The following SYNE1 variants were observed in gnomAD, a reference collection of about 807,000 sequenced individuals.
SYNE1 encodes spectrin repeat containing nuclear envelope protein 1.
Under a neutral mutation model 1,111.0 loss-of-function variants are expected in SYNE1, and 616 were observed. The ratio of observed to expected loss-of-function variants is 0.55; its 90% CI spans 0.52 to 0.59. The LOEUF (loss-of-function observed/expected upper bound fraction) is 0.59. SYNE1 is among the 20% of genes least tolerant of loss of function. The pLI is 0.00. For missense variants in SYNE1, 10,006 were observed against 10,417.0 expected (o/e 0.96, Z 1.72); for synonymous variants, 3,855 against 3,825.8 (o/e 1.01, Z -0.28).
intron 3 of SYNE1, among the ~76,000 whole-genome samples, chr6:152,591,261 A>G (rs73005834): frequency 3.3e-5 from 5 of 152,306 alleles, no homozygotes; most frequent in Non-Finnish European, 5.9e-5. Context: ...TTTAAACTAT[A>G]CTATACAGCC....
rs1317659615 is a variant in SYNE1, at chr6:152,368,797, CAAT to C, written c.9807+172_9807+174del. Reference sequence around the variant, plus strand: ...GAGCCACATCAAGCTTATGCAACAACAATGATGAACTCAGATTGCAAGGCTAAG... The same window carrying C: ...GAGCCACATCAAGCTTATGCAACAACGATGAACTCAGATTGCAAGGCTAAG... On this transcript the variant is annotated intron_variant, in intron 61 of 145. Coordinates refer to ENST00000367255, the MANE Select transcript of SYNE1 (RefSeq NM_182961.4). 3.8e-6 allele frequency: 3 copies of C among 781,880 alleles called. No homozygotes were observed. In the African/African-American group the frequency reaches 5.1e-5, roughly 13 times the overall value. The allele number at this position is 781,880 out of a possible 1,614,324, so 48.4% of individuals were successfully genotyped here.
At chr6:152,462,178 A>G (rs1376717010) in intron 20 of SYNE1, among the ~76,000 whole-genome samples, 1 of 151,780 alleles carries the variant, frequency 6.6e-6, no homozygotes, top group Non-Finnish European at 1.5e-5. Context: ...AATTACTTAT[A>G]GTCTTCTCCC....
intron 131 of SYNE1, among the ~76,000 whole-genome samples, chr6:152,158,644 T>C (rs2061826751): frequency 6.6e-6 from 1 of 152,212 alleles, no homozygotes; most frequent in Non-Finnish European, 1.5e-5. Flanking sequence ...AAATATAAAA[T>C]GAAGTAATAT....
At chr6:152,460,267 A>G (rs1268487606) in intron 21 of SYNE1, among the ~76,000 whole-genome samples, 3 of 152,320 alleles carry the variant, frequency 2.0e-5, no homozygotes, top group East Asian at 1.9e-4. Flanking sequence ...AGCTTTTACT[A>G]GTAGCCAATA....
intron 11 of SYNE1, among the ~76,000 whole-genome samples, chr6:152,493,964 T>C (rs1462375811): frequency 6.6e-6 from 1 of 152,150 alleles, no homozygotes. Flanking sequence ...GCTCACACAC[T>C]AGCTCTCCCT....
intron 91 of SYNE1, among the ~76,000 whole-genome samples, chr6:152,306,802 C>T (rs74538236): frequency 0.098 from 14,755 of 150,650 alleles, 1,028 homozygotes; most frequent in Admixed American, 0.24. Context: ...GGGAGGACTG[C>T]CTGAACCCAG....
intron 4 of SYNE1, among the ~76,000 whole-genome samples, chr6:152,530,845 G>A (rs923108460): frequency 3.3e-5 from 5 of 151,722 alleles, no homozygotes; most frequent in African/African-American, 4.8e-5. Context: ...GGATGGTCTC[G>A]ATCTCCTGAC....
chr6:152,181,326 C>G (rs150039904), intron 128 of SYNE1, among the ~76,000 whole-genome samples: 1 of 152,132 alleles, frequency 6.6e-6, no homozygotes, highest in Non-Finnish European at 1.5e-5. Context: ...GCAGGAGAGT[C>G]GCTTGGGCCC....
chr6:152,442,347 C>T, intron 30 of SYNE1, 102 bp from the exon 31 acceptor site: 1 of 1,388,250 alleles, frequency 7.2e-7, no homozygotes, highest in Non-Finnish European at 1.0e-6. Flanking sequence ...AAGGTGGGCC[C>T]GAAATGTATT....
intron 3 of SYNE1, among the ~76,000 whole-genome samples, chr6:152,571,118 CAGTT>C (rs1344498468): frequency 2.0e-5 from 3 of 152,200 alleles, no homozygotes; most frequent in Admixed American, 2.0e-4. Flanking sequence ...CTTTCTATCT[CAGTT>C]ACTTAGTTTC....
chr6:152,353,767 G>T (rs764390186), intron 67 of SYNE1, 23 bp from the exon 68 acceptor site: 4 of 1,612,882 alleles, frequency 2.5e-6, no homozygotes, highest in Non-Finnish European at 3.4e-6. Context: ...AGTATCGAAG[G>T]GAAAGATTCA....
intron 14 of SYNE1, among the ~76,000 whole-genome samples, chr6:152,482,428 A>AC (rs2098911172): frequency 6.6e-6 from 1 of 152,172 alleles, no homozygotes; most frequent in Non-Finnish European, 1.5e-5. Context: ...ATGCAGGAAT[A>AC]CCCCACCACA....
intron 127 of SYNE1, 86 bp downstream of exon 127, chr6:152,201,738 C>T: frequency 6.3e-7 from 1 of 1,599,386 alleles, no homozygotes; most frequent in Non-Finnish European, 8.6e-7. Context: ...ATGTAGATAA[C>T]CTAAGAGTTT....
chr6:152,281,675 C>T (rs1266807090), intron 97 of SYNE1, 132 bp downstream of exon 97: 5 of 977,742 alleles, frequency 5.1e-6, no homozygotes, highest in Non-Finnish European at 6.2e-6. Flanking sequence ...CTTTTCTATT[C>T]TTTAAATGTA....
intron 5 of SYNE1, among the ~76,000 whole-genome samples, chr6:152,523,335 G>T (rs1342265768): frequency 6.6e-6 from 1 of 151,974 alleles, no homozygotes; most frequent in African/African-American, 2.4e-5. Flanking sequence ...CTACATTTTT[G>T]AATGCTTTGT....
chr6:152,301,919 G>T lies in SYNE1; in HGVS notation c.17491C>A (p.Leu5831Met). The T allele has an allele frequency of 6.2e-7, 1 of 1,614,134 alleles. No individual in the cohort carries two copies. Among genetic ancestry groups the T allele is most frequent in the Non-Finnish European group, 8.5e-7 (1 of 1,180,006 alleles). The change falls in exon 92 of 146, where the codon CTG becomes ATG. Residue 5831 changes from leucine (L) to methionine (M), a missense_variant. By Grantham distance (15) the Leu-to-Met change is conservative (BLOSUM62 2). This residue lies in a region of SYNE1 where 4,955 missense variants were observed against 5,017.2 expected (regional missense o/e 0.99). Coordinates refer to ENST00000367255, the MANE Select transcript of SYNE1 (RefSeq NM_182961.4). ...GGCGTGGGGAGGAGCTCCCCATCCA[G>T]GTCCTCTGTCCCTTCCGCCAGCCCC... The part of the protein sequence containing the change: ...VEGLAEGTED[L>M]DGELLPTPSA...
chr6:152,381,781 ATCT>A (rs1361111525), intron 55 of SYNE1, among the ~76,000 whole-genome samples: 10 of 152,176 alleles, frequency 6.6e-5, no homozygotes, highest in Admixed American at 5.9e-4. Context: ...TACTCAATTC[ATCT>A]TCTTCAACAG....
Position 152,348,431 on chromosome 6 carries a change from T to C in SYNE1, c.11902-1196A>G, listed in dbSNP as rs542958674. 2.0e-5 allele frequency among the ~76,000 whole-genome samples: 3 copies of C among 152,314 alleles called. No individual in the cohort carries two copies. The South Asian group carries it at 6.2e-4, about 32-fold the overall frequency. ...CAGACGCGGTGGCTCACGCCTGTAATCCCAGCATTTTGGGAGGCTGAGACT... is the reference window on the plus strand; with the variant it reads ...CAGACGCGGTGGCTCACGCCTGTAACCCCAGCATTTTGGGAGGCTGAGACT... On this transcript the variant is annotated intron_variant, in intron 72 of 145. Coordinates refer to ENST00000367255, the MANE Select transcript of SYNE1 (RefSeq NM_182961.4).
At position 152,321,321 on chromosome 6, in the gene SYNE1, A is replaced by G. The variant is rs2095864857; in HGVS notation, c.16153T>C (p.Tyr5385His). 1.2e-6 allele frequency: 2 copies of G among 1,613,774 alleles called. No individual in the cohort carries two copies. Among genetic ancestry groups the G allele is most frequent in the Non-Finnish European group, 1.7e-6 (2 of 1,179,902 alleles). ...GGTAATATGGTATAAAGACCTAAGT[A>G]CTTCTCCTTCTGTTCTTCTGCCATT... The part of the protein sequence containing the change: ...EKMAEEQKEK[Y>H]LGLYTILPSE... Residue 5385 changes from tyrosine to histidine, a missense_variant, in exon 84 of 146, where the codon TAC (tyrosine) becomes CAC (histidine). Transcript: ENST00000367255.
Sources: gnomAD v4.1 joint callset for allele counts (sites outside exome capture counted in the v4.1 genomes callset) on GRCh38, gnomAD v4.1.1 for gene constraint, gnomAD v4.1.1 regional missense constraint, MANE v1.5 for transcripts, NCBI Gene and HGNC (gene_info 2026-07-23, HGNC 2026-07-21) for gene names.